The following APCDD1L variants were observed in gnomAD, a reference collection of about 807,000 sequenced individuals.
APCDD1L encodes protein APCDD1-like.
APCDD1L carries 21 observed loss-of-function variants against 24.2 expected under a neutral mutation model. The observed-to-expected ratio is 0.87, with a 90% CI of 0.61 to 1.25. The LOEUF is 1.25. Among genes scored for constraint, APCDD1L ranks in the 50% most tolerant of loss-of-function variants. The probability of loss-of-function intolerance (pLI) is 0.00; values close to 1 mark genes in which losing one functional copy is unlikely to be tolerated. For synonymous variants in APCDD1L, 321 were observed against 323.6 expected (o/e 0.99, Z 0.09); for missense variants, 704 against 711.7 (o/e 0.99, Z 0.12).
Position 58,461,627 on chromosome 20 carries a change from C to T in APCDD1L, c.742-73G>A. 1 of 1,371,952 alleles carries T rather than the reference C, an allele frequency of 7.3e-7. No homozygotes were observed. The highest frequency in any genetic ancestry group is 2.0e-5 in the South Asian group (1 of 49,398). The allele number at this position is 1,371,952 out of a possible 1,614,324, so 85.0% of individuals were successfully genotyped here. A position where few individuals can be genotyped will look rare whatever the true frequency, so the allele number is the denominator to read the frequency against. On this transcript the variant is annotated intron_variant, in intron 3 of 3. Transcript: ENST00000371149. The surrounding 1 kb of genome is among the most constrained non-coding windows in gnomAD (Gnocchi z 6.0). ...TTGGGGTGCAGCCTGGAAAGGAACCCCAGCTCTGTAGGGGTGTCAAGGCAG... is the reference window on the plus strand; with the variant it reads ...TTGGGGTGCAGCCTGGAAAGGAACCTCAGCTCTGTAGGGGTGTCAAGGCAG...
At chr20:58,464,989 T>C (rs776838370) in intron 3 of APCDD1L, among the ~76,000 whole-genome samples, 1 of 152,112 alleles carries the variant, frequency 6.6e-6, no homozygotes, top group Non-Finnish European at 1.5e-5. Context: ...TCAGGCTGGA[T>C]TGGTCACCCA....
intron 3 of APCDD1L, among the ~76,000 whole-genome samples, chr20:58,464,481 T>C (rs1568733702): frequency 1.3e-5 from 2 of 152,208 alleles, no homozygotes; most frequent in Admixed American, 6.5e-5. Context: ...TGAAGTCTCA[T>C]GCGTTAATAA....
At chr20:58,480,397 G>C (rs1022721130) in intron 1 of APCDD1L, among the ~76,000 whole-genome samples, 1 of 152,164 alleles carries the variant, frequency 6.6e-6, no homozygotes, top group African/African-American at 2.4e-5. Context: ...CGGGTTGACA[G>C]GTGATCAAAG....
intron 1 of APCDD1L, among the ~76,000 whole-genome samples, chr20:58,493,637 C>T (rs1268415030): frequency 6.6e-6 from 1 of 152,078 alleles, no homozygotes; most frequent in Non-Finnish European, 1.5e-5. Context: ...TTTCATCAAC[C>T]TCAGGAACAA....
chr20:58,489,998 T>C (rs368281232), intron 1 of APCDD1L, among the ~76,000 whole-genome samples: 1 of 152,236 alleles, frequency 6.6e-6, no homozygotes, highest in East Asian at 1.9e-4. Flanking sequence ...ATATTACTTT[T>C]ATTACTCAAT....
intron 1 of APCDD1L, among the ~76,000 whole-genome samples, chr20:58,488,479 A>T (rs1990166327): frequency 1.3e-5 from 2 of 152,252 alleles, no homozygotes; most frequent in Admixed American, 1.3e-4. Context: ...TAGGCCATAC[A>T]ATGTCTCAAC....
chr20:58,480,930 T>A (rs569775412), intron 1 of APCDD1L, among the ~76,000 whole-genome samples: 2 of 152,348 alleles, frequency 1.3e-5, no homozygotes, highest in Non-Finnish European at 2.9e-5. Flanking sequence ...GTTTCCCTTT[T>A]CACCCAGATG....
chr20:58,473,110 C>G (rs183206665), intron 1 of APCDD1L, among the ~76,000 whole-genome samples: 37 of 152,288 alleles, frequency 2.4e-4, no homozygotes, highest in Admixed American at 2.4e-3. Flanking sequence ...CAATATTTGC[C>G]TGGTAGGAAA....
chr20:58,467,699 A>C lies in APCDD1L; in HGVS notation c.189-41T>G. 7.1e-7 allele frequency: 1 copy of C among 1,411,318 alleles called. No homozygotes were observed. The highest frequency in any genetic ancestry group is 9.2e-7 in the Non-Finnish European group (1 of 1,081,692). The allele number at this position is 1,411,318 out of a possible 1,614,324, so 87.4% of individuals were successfully genotyped here. On this transcript the variant is annotated intron_variant, in intron 2 of 3. Coordinates refer to ENST00000371149, the MANE Select transcript of APCDD1L (RefSeq NM_153360.3). The surrounding 1 kb of genome is among the most constrained non-coding windows in gnomAD (Gnocchi z 5.9). ...GAGATGGGCTGGGTGCAGAGGGAACACCGCGCCGCGAGCCCCTCTCCCCTC... is the reference window on the plus strand; with the variant it reads ...GAGATGGGCTGGGTGCAGAGGGAACCCCGCGCCGCGAGCCCCTCTCCCCTC...
At chr20:58,495,741 G>A (rs1031608173) in intron 1 of APCDD1L, among the ~76,000 whole-genome samples, 1 of 151,988 alleles carries the variant, frequency 6.6e-6, no homozygotes, top group African/African-American at 2.4e-5. Flanking sequence ...ACACATGAAG[G>A]TGTGACCCAT....
In APCDD1L at chr20:58,514,916, GT is replaced by G. The variant is rs5842229; in HGVS notation, c.-210del. On this transcript the variant is annotated 5_prime_UTR_variant, in exon 1 of 4. It removes the in-frame stop codon of an upstream open reading frame in the 5' UTR. Coordinates refer to ENST00000371149, the MANE Select transcript of APCDD1L (RefSeq NM_153360.3). ...TGTAAGCGGAGCTGCGCACTCATAGGTCCAACTTGCCAGAAGAGGTGGAGAC... is the reference window on the plus strand; with the variant it reads ...TGTAAGCGGAGCTGCGCACTCATAGGCCAACTTGCCAGAAGAGGTGGAGAC... 0.66 allele frequency: 253,861 copies of G among 386,026 alleles called. 84,312 individuals are homozygous for G. Among genetic ancestry groups the G allele is most frequent in the Admixed American group, 0.72 (15,666 of 21,906 alleles). 23.9% of individuals were successfully genotyped at this position (386,026 alleles called of 1,614,324 possible).
At chr20:58,512,687 T>C (rs1990650541) in intron 1 of APCDD1L, among the ~76,000 whole-genome samples, 1 of 152,200 alleles carries the variant, frequency 6.6e-6, no homozygotes, top group Non-Finnish European at 1.5e-5. Flanking sequence ...ATTATGTCAG[T>C]AGCTGAAGGA....
intron 1 of APCDD1L, among the ~76,000 whole-genome samples, chr20:58,483,978 T>A (rs1283852230): frequency 6.6e-6 from 1 of 152,064 alleles, no homozygotes; most frequent in African/African-American, 2.4e-5. Flanking sequence ...ACAGTCAGAA[T>A]GGGGAGCAAG....
rs1989567952 is a variant in APCDD1L at position 58,460,159 on chromosome 20, C to G, written c.*631G>C. ...CGACTCGCAGAAGCACAGGCAAATG[C>G]AGACGAATGCCAGCAGTCAGGACTC... On this transcript the variant is annotated 3_prime_UTR_variant, in exon 4 of 4. Coordinates refer to ENST00000371149, the MANE Select transcript of APCDD1L (RefSeq NM_153360.3). The surrounding 1 kb of genome is among the most constrained non-coding windows in gnomAD (Gnocchi z 4.2). 1 of 152,252 alleles carries G rather than the reference C, an allele frequency of 6.6e-6. No homozygotes were observed. The highest frequency in any genetic ancestry group is 2.4e-5 in the African/African-American group (1 of 41,444). The allele number at this position is 152,252 out of a possible 1,614,324, so 9.4% of individuals were successfully genotyped here.
chr20:58,461,001 G>A lies in APCDD1L; in HGVS notation c.1295C>T (p.Pro432Leu). Residue 432 changes from proline (P) to leucine (L), a missense_variant, in exon 4 of 4, where the codon CCC (proline) becomes CTC (leucine). Pro to Leu is a moderately conservative substitution (Grantham distance 98, BLOSUM62 -3). Coordinates refer to ENST00000371149, the MANE Select transcript of APCDD1L (RefSeq NM_153360.3). This position sits in a 1 kb window ranked among gnomAD's most constrained non-coding sequence, Gnocchi z 6.0. The part of the protein sequence containing the change: ...GQSLLFIGQR[P>L]TDGSSPDTPE... ...GGTATCGGGACTTGAGCCATCGGTG[G>A]GCCTTTGTCCGATGAAGAGCAGGCT... is the stretch of plus-strand genomic sequence containing the variant. 1.2e-6 allele frequency: 2 copies of A among 1,614,138 alleles called. No individual in the cohort carries two copies. The highest frequency in any genetic ancestry group is 1.1e-5 in the South Asian group (1 of 91,084).
chr20:58,498,881 A>G (rs895471387), intron 1 of APCDD1L, among the ~76,000 whole-genome samples: 1 of 152,176 alleles, frequency 6.6e-6, no homozygotes, highest in African/African-American at 2.4e-5. Context: ...GGCCATGGGC[A>G]CCTGCCTCAC....
chr20:58,514,602 G>A lies in APCDD1L; in HGVS notation c.49+57C>T, dbSNP rs572672222. 7.9e-4 allele frequency: 1,017 copies of A among 1,289,174 alleles called. 1 individual carries two copies. The highest frequency in any genetic ancestry group is 9.4e-4 in the Non-Finnish European group (951 of 1,009,880). The allele number at this position is 1,289,174 out of a possible 1,614,324, so 79.9% of individuals were successfully genotyped here. A position where few individuals can be genotyped will look rare whatever the true frequency, so the allele number is the denominator to read the frequency against. On this transcript the variant is annotated intron_variant, in intron 1 of 3. Transcript: ENST00000371149. Reference sequence around the variant, plus strand: ...GGGCCCTTAGGGGACATTAGACGGCGAGCTCCCTCCCTTCCGAGCTCAGCC... The same window carrying A: ...GGGCCCTTAGGGGACATTAGACGGCAAGCTCCCTCCCTTCCGAGCTCAGCC...
chr20:58,481,919 C>T (rs1381673522), intron 1 of APCDD1L, among the ~76,000 whole-genome samples: 1 of 152,166 alleles, frequency 6.6e-6, no homozygotes, highest in Admixed American at 6.5e-5. Context: ...GTCACCAAGC[C>T]TCGCCTCTTT....
Position 58,498,268 on chromosome 20 carries a change from G to A in APCDD1L, c.49+16391C>T, listed in dbSNP as rs547605016. Among the ~76,000 whole-genome samples the A allele has an allele frequency of 2.2e-4, 33 of 152,292 alleles. No homozygotes were observed. In the South Asian group the frequency reaches 6.8e-3, roughly 32 times the overall value. ...TGCAAGCTAGCTTCAAAAGCGTCTT[G>A]CTAAAGAGTGAAATTTGTTCGGAAG... On this transcript the variant is annotated intron_variant, in intron 1 of 3. Transcript: ENST00000371149.
Sources: allele counts gnomAD v4.1 joint callset (sites outside exome capture counted in the v4.1 genomes callset), GRCh38; gene constraint gnomAD v4.1.1; non-coding constraint Gnocchi (gnomAD v3.1); transcripts MANE v1.5; gene names NCBI Gene and HGNC (gene_info 2026-07-23, HGNC 2026-07-21).